STPG4: variants seen among roughly 807,000 people sequenced by gnomAD.
STPG4 encodes sperm-tail PG-rich repeat containing 4, also known as protein STPG4.
STPG4 carries 41 observed loss-of-function variants against 31.5 expected under a neutral mutation model. That is an observed-to-expected ratio of 1.30 (90% CI 1.01 to 1.69). The LOEUF (loss-of-function observed/expected upper bound fraction) is 1.69, where lower values mean the gene tolerates loss of function less well. STPG4 is among the 40% of genes most tolerant of loss of function. The pLI is 0.00. For missense variants in STPG4, 375 were observed against 293.4 expected, an observed-to-expected ratio of 1.28 and a Z score of -2.03; for synonymous variants, 141 against 103.0, an observed-to-expected ratio of 1.37 and a Z score of -2.24.
At chr2:47,106,574 G>A (rs887192593) in intron 5 of STPG4, among the ~76,000 whole-genome samples, 12 of 151,862 alleles carry the variant, frequency 7.9e-5, no homozygotes, top group Admixed American at 1.3e-4. Context: ...CTCCAAAACC[G>A]CTGAGGCCTA....
intron 5 of STPG4, among the ~76,000 whole-genome samples, chr2:47,121,925 T>A (rs1157593481): frequency 6.6e-6 from 1 of 150,928 alleles, no homozygotes; most frequent in Admixed American, 6.6e-5. Flanking sequence ...TACAGGATAA[T>A]CTCCCCATCC....
chr2:47,145,019 C>T (rs777628701), intron 3 of STPG4, among the ~76,000 whole-genome samples: 1 of 152,212 alleles, frequency 6.6e-6, no homozygotes, highest in Non-Finnish European at 1.5e-5. Flanking sequence ...CGTGAGCCAC[C>T]GTGCCCAGCC....
intron 3 of STPG4, among the ~76,000 whole-genome samples, chr2:47,148,078 A>G (rs1686862695): frequency 6.6e-6 from 1 of 151,916 alleles, no homozygotes; most frequent in African/African-American, 2.4e-5. Context: ...CAGCCTACCA[A>G]GTAGCTGGGA....
At chr2:47,120,661 T>G (rs923850250) in intron 5 of STPG4, among the ~76,000 whole-genome samples, 2 of 152,140 alleles carry the variant, frequency 1.3e-5, no homozygotes, top group African/African-American at 2.4e-5. Flanking sequence ...GGTCCGGGTT[T>G]CAGTCATATG....
Position 47,087,099 on chromosome 2 carries a change from A to G in STPG4, c.656T>C (p.Leu219Ser). 6.4e-7 allele frequency: 1 copy of G among 1,551,804 alleles called. No individual in the cohort carries two copies. Among genetic ancestry groups the G allele is most frequent in the South Asian group, 1.2e-5 (1 of 84,066 alleles). ...CGGAGACTGCTTAGGGAATTGTCTT[A>G]AAGTTGTATATGCTCCTGGGCCTGG... ...KTPGPGAYTT[L>S]RQFPKQSPTI... is the part of the protein sequence containing the mutation. Residue 219 changes from leucine to serine, a missense_variant, in exon 7 of 7, where the codon TTA becomes TCA. Coordinates refer to ENST00000445927, the MANE Select transcript of STPG4 (RefSeq NM_001163561.2).
At chr2:47,117,251 C>T (rs546342425) in intron 5 of STPG4, among the ~76,000 whole-genome samples, 9 of 152,238 alleles carry the variant, frequency 5.9e-5, no homozygotes, top group Admixed American at 5.9e-4. Flanking sequence ...CTCTTGTTGC[C>T]CAGGCCAGAG....
intron 3 of STPG4, among the ~76,000 whole-genome samples, chr2:47,149,644 A>AT (rs1686898652): frequency 6.6e-6 from 1 of 152,238 alleles, no homozygotes; most frequent in South Asian, 2.1e-4. Flanking sequence ...CACTTTAGTA[A>AT]TTACAACCCC....
Position 47,112,155 on chromosome 2 carries a change from TTTG to T in STPG4, c.519+17783_519+17785del, listed in dbSNP as rs779220969. Among the ~76,000 whole-genome samples the T allele has an allele frequency of 9.5e-4, 145 of 152,212 alleles. 1 individual carries two copies. The highest frequency in any genetic ancestry group is 3.1e-3 in the African/African-American group (127 of 41,528). Reference sequence around the variant, plus strand: ...TTTTTCATAGGTTAACCTTTGAGATTTTGTTGTTGTTGTTTTGTTGTTTGTTTT... The same window carrying T: ...TTTTTCATAGGTTAACCTTTGAGATTTTGTTGTTGTTTTGTTGTTTGTTTT... On this transcript the variant is annotated intron_variant, in intron 5 of 6. Coordinates refer to ENST00000445927, the MANE Select transcript of STPG4 (RefSeq NM_001163561.2).
chr2:47,150,080 G>C (rs538059569), intron 3 of STPG4, among the ~76,000 whole-genome samples: 36 of 152,194 alleles, frequency 2.4e-4, no homozygotes, highest in Non-Finnish European at 5.0e-4. Context: ...ACTCACCTTA[G>C]TTTTCTTGCA....
At chr2:47,122,733 G>A (rs1316149322) in intron 5 of STPG4, among the ~76,000 whole-genome samples, 3 of 151,746 alleles carry the variant, frequency 2.0e-5, no homozygotes, top group African/African-American at 7.3e-5. Context: ...TTGATCCTGA[G>A]TTTGTAACTA....
intron 3 of STPG4, among the ~76,000 whole-genome samples, chr2:47,134,722 T>C (rs925755226): frequency 3.3e-5 from 5 of 152,222 alleles, no homozygotes; most frequent in African/African-American, 1.2e-4. Flanking sequence ...GTAAATACTA[T>C]GGAGCACAAC....
intron 1 of STPG4, among the ~76,000 whole-genome samples, chr2:47,154,725 T>C (rs912036548): frequency 6.6e-6 from 1 of 152,140 alleles, no homozygotes; most frequent in Non-Finnish European, 1.5e-5. Flanking sequence ...AGCGAGACTC[T>C]AAAAGAAAAA....
At chr2:47,093,721 T>A (rs957710515) in intron 5 of STPG4, among the ~76,000 whole-genome samples, 3 of 152,194 alleles carry the variant, frequency 2.0e-5, no homozygotes, top group African/African-American at 4.8e-5. Context: ...GTCATCTGAA[T>A]CACAGGGACT....
intron 5 of STPG4, among the ~76,000 whole-genome samples, chr2:47,123,171 A>AT (rs574548539): frequency 5.9e-5 from 9 of 152,226 alleles, no homozygotes; most frequent in African/African-American, 1.9e-4. Flanking sequence ...ATAATTATTT[A>AT]TTTTTTTGAC....
intron 5 of STPG4, among the ~76,000 whole-genome samples, chr2:47,104,027 T>C: frequency 6.6e-6 from 1 of 151,990 alleles, no homozygotes; most frequent in Non-Finnish European, 1.5e-5. Flanking sequence ...GCCTTTCTTG[T>C]TATGCCTGAA....
At position 47,102,245 on chromosome 2, in the gene STPG4, G is replaced by C. The variant is rs116661888; in HGVS notation, c.520-11871C>G. Among the ~76,000 whole-genome samples the C allele has an allele frequency of 4.7e-3, 635 of 136,148 alleles. 14 individuals carry two copies. Among genetic ancestry groups the C allele is most frequent in the African/African-American group, 0.018 (598 of 33,008 alleles). 89.3% of individuals were successfully genotyped at this position (136,148 alleles called of 152,430 possible). A position where few individuals can be genotyped will look rare whatever the true frequency, so the allele number is the denominator to read the frequency against. On this transcript the variant is annotated intron_variant, in intron 5 of 6. Coordinates refer to ENST00000445927, the MANE Select transcript of STPG4 (RefSeq NM_001163561.2). ...GGTCCAGGGACCATTGCAGGTTCTC[G>C]AGCAGGGGAAGAAACAAAATAAACC...
chr2:47,089,554 T>A (rs1194327910), intron 6 of STPG4, among the ~76,000 whole-genome samples: 5 of 152,072 alleles, frequency 3.3e-5, no homozygotes, highest in Admixed American at 3.3e-4. Context: ...TCCCCAGCCA[T>A]CTCAAATGAG....
intron 5 of STPG4, among the ~76,000 whole-genome samples, chr2:47,106,490 C>G (rs1685914167): frequency 6.6e-6 from 1 of 151,916 alleles, no homozygotes; most frequent in South Asian, 2.1e-4. Context: ...AAGGATTTCT[C>G]AGACAGTTTG....
intron 6 of STPG4, among the ~76,000 whole-genome samples, chr2:47,089,706 T>G (rs1052245783): frequency 5.3e-5 from 8 of 152,304 alleles, no homozygotes; most frequent in African/African-American, 1.9e-4. Flanking sequence ...TTTATAATCT[T>G]TCCTGGTCTT....
Sources: allele counts gnomAD v4.1 joint callset (sites outside exome capture counted in the v4.1 genomes callset), GRCh38; gene constraint gnomAD v4.1.1; transcripts MANE v1.5; gene names NCBI Gene and HGNC (gene_info 2026-07-23, HGNC 2026-07-21).